Variants in KIF27 observed in about 807,000 individuals in gnomAD.
The protein encoded by KIF27 is kinesin family member 27, also known as kinesin-like protein KIF27.
Under a neutral mutation model 141.8 loss-of-function variants are expected in KIF27, and 84 were observed. That is an observed-to-expected ratio of 0.59 (90% CI 0.50 to 0.71). The LOEUF (loss-of-function observed/expected upper bound fraction) is 0.71, where lower values mean the gene tolerates loss of function less well. KIF27 is among the 30% of genes least tolerant of loss of function. The pLI is 0.00. For missense variants in KIF27, 1,306 were observed against 1,628.4 expected (o/e 0.80, Z 3.41); for synonymous variants, 471 against 569.5 (o/e 0.83, Z 2.46).
At chr9:83,913,319 G>A (rs753181028) in intron 2 of KIF27, among the ~76,000 whole-genome samples, 1 of 152,192 alleles carries the variant, frequency 6.6e-6, no homozygotes, top group Non-Finnish European at 1.5e-5. Flanking sequence ...AATATTCACT[G>A]GAGGGGTAAA....
At position 83,907,706 on chromosome 9, in the gene KIF27, A is replaced by T. The variant is rs115490914; in HGVS notation, c.499+746T>A. On this transcript the variant is annotated intron_variant, in intron 3 of 17. Coordinates refer to ENST00000297814, the MANE Select transcript of KIF27 (RefSeq NM_017576.4). ...CTCTCAACTTTAAAAAAAGAGGAAGAAGTATGTGTGCTGGGACAAAAATCA... is the reference window on the plus strand; with the variant it reads ...CTCTCAACTTTAAAAAAAGAGGAAGTAGTATGTGTGCTGGGACAAAAATCA... Among the ~76,000 whole-genome samples the T allele has an allele frequency of 6.8e-3, 1,041 of 152,316 alleles. 16 individuals are homozygous for T. Among genetic ancestry groups the T allele is most frequent in the African/African-American group, 0.024 (999 of 41,568 alleles).
In KIF27 at chr9:83,889,236, A is replaced by G. The variant is rs761455747; in HGVS notation, c.1827T>C (p.Pro609=). 2 of 1,611,790 alleles carry G rather than the reference A, an allele frequency of 1.2e-6. No individual in the cohort carries two copies. The highest frequency in any genetic ancestry group is 4.5e-5 in the East Asian group (2 of 44,868). Residue 609 remains proline, a synonymous_variant, in exon 7 of 18, where the codon CCT becomes CCC. Transcript: ENST00000297814. ...QDSRKVHTSP[P]MYSLDRIFAG... ...CAAATATTCGATCCAGAGAGTACAT[A>G]GGCGGACTTGTGTGGACCTTGCAAG... is the stretch of plus-strand genomic sequence containing the variant.
chr9:83,876,375 G>A (rs1340287289), intron 11 of KIF27, among the ~76,000 whole-genome samples: 7 of 152,074 alleles, frequency 4.6e-5, no homozygotes, highest in African/African-American at 1.4e-4. Flanking sequence ...AAATACTACT[G>A]GTACACTAAA....
chr9:83,842,573 C>T (rs1160910937), intron 16 of KIF27, among the ~76,000 whole-genome samples, 172 bp from the exon 17 acceptor site: 4 of 152,152 alleles, frequency 2.6e-5, no homozygotes, highest in African/African-American at 9.7e-5. Context: ...TCACACCATT[C>T]TCCTGCCTCC....
chr9:83,912,920 C>G (rs1283287646), intron 2 of KIF27, among the ~76,000 whole-genome samples: 2 of 151,810 alleles, frequency 1.3e-5, no homozygotes, highest in Non-Finnish European at 2.9e-5. Flanking sequence ...CTTTGGGAGA[C>G]TGAGGCAGGG....
intron 10 of KIF27, among the ~76,000 whole-genome samples, chr9:83,882,228 G>A (rs557717673): frequency 1.3e-5 from 2 of 152,162 alleles, no homozygotes; most frequent in African/African-American, 4.8e-5. Context: ...CGGGTGTGGT[G>A]GCAGGCACCT....
chr9:83,860,093 T>A (rs370904747), intron 13 of KIF27: 1 of 152,202 alleles, frequency 6.6e-6, no homozygotes, highest in African/African-American at 2.4e-5. Context: ...TGTTTTTACT[T>A]GTATTTCATT....
At chr9:83,916,884 C>T (rs1441285445) in intron 1 of KIF27, among the ~76,000 whole-genome samples, 4 of 151,968 alleles carry the variant, frequency 2.6e-5, no homozygotes, top group East Asian at 1.9e-4. Context: ...AGGACGGTCT[C>T]GATCTCCTGA....
intron 9 of KIF27, among the ~76,000 whole-genome samples, chr9:83,886,606 G>A (rs1287193267): frequency 6.6e-6 from 1 of 151,832 alleles, no homozygotes; most frequent in Non-Finnish European, 1.5e-5. Flanking sequence ...AACTACTGAC[G>A]CATACTGGGC....
chr9:83,890,787 TAGAG>T (rs1483128529), intron 6 of KIF27, among the ~76,000 whole-genome samples: 2 of 152,240 alleles, frequency 1.3e-5, no homozygotes, highest in East Asian at 1.9e-4. Flanking sequence ...TTTTCCATAA[TAGAG>T]ATTCTTTGAT....
intron 5 of KIF27, among the ~76,000 whole-genome samples, chr9:83,892,664 A>T (rs1026033814): frequency 9.9e-5 from 15 of 152,192 alleles, no homozygotes; most frequent in Admixed American, 8.5e-4. Flanking sequence ...TATGCTGCTT[A>T]CAAGAAACAT....
At chr9:83,917,854 A>G (rs1955849003) in intron 1 of KIF27, among the ~76,000 whole-genome samples, 1 of 152,226 alleles carries the variant, frequency 6.6e-6, no homozygotes, top group Admixed American at 6.5e-5. Context: ...CTTAAAAGAC[A>G]GGAGTAACTC....
rs370758625 is a variant in KIF27 at position 83,911,480 on chromosome 9, C to T, written c.299-2828G>A. Among the ~76,000 whole-genome samples, 254 of 151,890 alleles carry T rather than the reference C, an allele frequency of 1.7e-3. 2 individuals are homozygous for T. In the Middle Eastern group the frequency reaches 0.044, roughly 26 times the overall value. On this transcript the variant is annotated intron_variant, in intron 2 of 17. Coordinates refer to ENST00000297814, the MANE Select transcript of KIF27 (RefSeq NM_017576.4). ...TTCTGACCTCATGATCCACCCGCCT[C>T]GACCTCCCAAAGTGCTGAGCTTACA...
rs923107644 is a variant in KIF27, at chr9:83,911,823, G to T, written c.299-3171C>A. On this transcript the variant is annotated intron_variant, in intron 2 of 17. Coordinates refer to ENST00000297814, the MANE Select transcript of KIF27 (RefSeq NM_017576.4). ...TGGGATTACAGAAGTGAGCCACCAC[G>T]CCTGGCCTCCACTTACATGAAATAC... Among the ~76,000 whole-genome samples the T allele has an allele frequency of 6.6e-5, 10 of 152,250 alleles. No individual in the cohort carries two copies. In the East Asian group the frequency reaches 1.9e-3, roughly 29 times the overall value.
intron 2 of KIF27, among the ~76,000 whole-genome samples, chr9:83,914,342 GT>G (rs1955486185): frequency 6.6e-6 from 1 of 151,946 alleles, no homozygotes; most frequent in South Asian, 2.1e-4. Flanking sequence ...TATACAGATT[GT>G]TTTCTTTTAG....
At chr9:83,881,683 G>A (rs1204081267) in intron 10 of KIF27, among the ~76,000 whole-genome samples, 2 of 152,232 alleles carry the variant, frequency 1.3e-5, no homozygotes, top group Admixed American at 1.3e-4. Flanking sequence ...CTGGCTTGGA[G>A]GCCACAGGCC....
chr9:83,899,817 G>A lies in KIF27; in HGVS notation c.1459-13C>T. ...CAGCAAGCACACACTAGTGGGGAAA[G>A]AAAGCACAAGTGACATTCACCACAG... On this transcript the variant is annotated splice_polypyrimidine_tract_variant and intron_variant, in intron 4 of 17. Coordinates refer to ENST00000297814, the MANE Select transcript of KIF27 (RefSeq NM_017576.4). The A allele has an allele frequency of 6.3e-7, 1 of 1,593,362 alleles. No homozygotes were observed. The highest frequency in any genetic ancestry group is 2.2e-5 in the East Asian group (1 of 44,622).
intron 15 of KIF27, among the ~76,000 whole-genome samples, chr9:83,852,313 T>A (rs1299839772): frequency 6.7e-6 from 1 of 149,014 alleles, no homozygotes; most frequent in Non-Finnish European, 1.5e-5. Flanking sequence ...ATTAGCCAGG[T>A]GTGGTGGCGG....
At chr9:83,915,228 G>A (rs1381833385) in intron 2 of KIF27, 66 bp downstream of exon 2, 3 of 1,324,952 alleles carry the variant, frequency 2.3e-6, no homozygotes, top group Non-Finnish European at 3.1e-6. Flanking sequence ...CATGTGTCAG[G>A]TATTGGTCAT....
Sources: allele counts gnomAD v4.1 joint callset (sites outside exome capture counted in the v4.1 genomes callset), GRCh38; gene constraint gnomAD v4.1.1; transcripts MANE v1.5; gene names NCBI Gene and HGNC (gene_info 2026-07-23, HGNC 2026-07-21).